The following CNTN4 variants were observed in gnomAD, a reference collection of about 807,000 sequenced individuals.
The protein encoded by CNTN4 is contactin-4.
Under a neutral mutation model 122.5 loss-of-function variants are expected in CNTN4, and 77 were observed. The ratio of observed to expected loss-of-function variants is 0.63; its 90% CI spans 0.52 to 0.76. The LOEUF (loss-of-function observed/expected upper bound fraction) is 0.76, where lower values mean the gene tolerates loss of function less well. Among genes scored for constraint, CNTN4 ranks in the 30% least tolerant of loss-of-function variants. The probability of loss-of-function intolerance (pLI) is 0.00; values close to 1 mark genes in which losing one functional copy is unlikely to be tolerated. For synonymous variants in CNTN4, 512 were observed against 447.0 expected (o/e 1.15, Z -1.83); for missense variants, 1,256 against 1,259.1 (o/e 1.00, Z 0.04).
rs75579026 is a variant in CNTN4 at position 2,290,009 on chromosome 3, G to T, written c.-144-49169G>T. 4.9e-3 allele frequency among the ~76,000 whole-genome samples: 740 copies of T among 152,002 alleles called. 3 individuals carry two copies. The highest frequency in any genetic ancestry group is 0.016 in the African/African-American group (661 of 41,436). ...TTTTAGATTAAAATTCCCATCTTAG[G>T]GTGTACCTTCTCTGAGCCAGTCATT... is the stretch of plus-strand genomic sequence containing the variant. On this transcript the variant is annotated intron_variant, in intron 2 of 24. Transcript: ENST00000418658.
chr3:2,534,727 C>G (rs1413893527), intron 3 of CNTN4, among the ~76,000 whole-genome samples: 1 of 149,758 alleles, frequency 6.7e-6, no homozygotes, highest in Non-Finnish European at 1.5e-5. Context: ...CACTGTCTTC[C>G]TTTTTGCTCC....
chr3:2,342,854 T>C (rs1278268400), intron 3 of CNTN4, among the ~76,000 whole-genome samples: 1 of 152,186 alleles, frequency 6.6e-6, no homozygotes, highest in Non-Finnish European at 1.5e-5. Flanking sequence ...AATATACATG[T>C]ATAAGAAATA....
chr3:2,705,200 C>T (rs912988130), intron 4 of CNTN4, among the ~76,000 whole-genome samples: 6 of 150,542 alleles, frequency 4.0e-5, no homozygotes, highest in African/African-American at 1.5e-4. Flanking sequence ...AACCCCGTCT[C>T]TACTAAAACT....
At chr3:2,192,598 C>T (rs1392489655) in intron 2 of CNTN4, among the ~76,000 whole-genome samples, 1 of 145,116 alleles carries the variant, frequency 6.9e-6, no homozygotes, top group Non-Finnish European at 1.5e-5. Flanking sequence ...AAGAAAAAAA[C>T]AAACAACCCC....
intron 3 of CNTN4, among the ~76,000 whole-genome samples, chr3:2,423,407 A>G (rs17194378): frequency 0.29 from 43,993 of 151,656 alleles, 6,936 homozygotes; most frequent in Admixed American, 0.38. Flanking sequence ...AACATTGATC[A>G]TGCTCATCCA....
chr3:2,861,682 G>A (rs1008317241), intron 7 of CNTN4, among the ~76,000 whole-genome samples: 14 of 152,160 alleles, frequency 9.2e-5, no homozygotes, highest in Admixed American at 3.3e-4. Context: ...AAAACACAAC[G>A]CAGCTTAAAT....
chr3:3,050,520 T>A (rs1011555010), intron 23 of CNTN4, among the ~76,000 whole-genome samples: 1 of 151,870 alleles, frequency 6.6e-6, no homozygotes, highest in African/African-American at 2.4e-5. Context: ...TCCCAGCACT[T>A]TGGGAGGCCG....
intron 4 of CNTN4, among the ~76,000 whole-genome samples, chr3:2,592,350 G>A (rs1356007711): frequency 1.3e-5 from 2 of 152,188 alleles, no homozygotes; most frequent in Non-Finnish European, 2.9e-5. Flanking sequence ...GTTAGGAAAA[G>A]ACAAATATAA....
chr3:2,439,163 A>G (rs2048349803), intron 3 of CNTN4, among the ~76,000 whole-genome samples: 1 of 152,224 alleles, frequency 6.6e-6, no homozygotes, highest in Admixed American at 6.5e-5. Flanking sequence ...GATAACTTTT[A>G]TATTAGAGCA....
At chr3:2,189,020 G>T (rs1335874223) in intron 2 of CNTN4, among the ~76,000 whole-genome samples, 2 of 152,114 alleles carry the variant, frequency 1.3e-5, no homozygotes, top group African/African-American at 2.4e-5. Context: ...TGAGGATTTT[G>T]CCCTGTTCAT....
chr3:2,384,842 T>G (rs2046183041), intron 3 of CNTN4, among the ~76,000 whole-genome samples: 1 of 152,166 alleles, frequency 6.6e-6, no homozygotes, highest in Non-Finnish European at 1.5e-5. Context: ...GACTAATTTT[T>G]ACCTATCTTT....
At chr3:2,262,021 G>A (rs1200888965) in intron 2 of CNTN4, among the ~76,000 whole-genome samples, 1 of 152,040 alleles carries the variant, frequency 6.6e-6, no homozygotes, top group South Asian at 2.1e-4. Context: ...CTGGTAAAAT[G>A]GATTTTTTTT....
intron 2 of CNTN4, among the ~76,000 whole-genome samples, chr3:2,111,850 A>G (rs1464619032): frequency 1.3e-5 from 2 of 152,212 alleles, no homozygotes; most frequent in East Asian, 1.9e-4. Context: ...TACCCTTTCA[A>G]TGCATTTATT....
chr3:2,895,867 T>C (rs1401208039), intron 10 of CNTN4, among the ~76,000 whole-genome samples: 2 of 152,122 alleles, frequency 1.3e-5, no homozygotes, highest in Non-Finnish European at 2.9e-5. Flanking sequence ...ACCCCGTCTC[T>C]ACTAAAAATA....
At chr3:3,002,167 G>C (rs1053284246) in intron 14 of CNTN4, among the ~76,000 whole-genome samples, 9 of 152,226 alleles carry the variant, frequency 5.9e-5, no homozygotes, top group African/African-American at 1.9e-4. Flanking sequence ...CCATAAAGCC[G>C]TTTTCTAATT....
intron 3 of CNTN4, among the ~76,000 whole-genome samples, chr3:2,532,803 A>G (rs1398455028): frequency 6.6e-6 from 1 of 152,172 alleles, no homozygotes; most frequent in Non-Finnish European, 1.5e-5. Flanking sequence ...TTGATAGAAA[A>G]AAGTCATATC....
intron 2 of CNTN4, among the ~76,000 whole-genome samples, chr3:2,248,150 A>C (rs572785361): frequency 6.6e-6 from 1 of 152,050 alleles, no homozygotes; most frequent in East Asian, 1.9e-4. Context: ...CATAATAGGT[A>C]CTCAGTTAGT....
intron 4 of CNTN4, among the ~76,000 whole-genome samples, chr3:2,696,039 G>T (rs1255273384): frequency 6.6e-6 from 1 of 152,168 alleles, no homozygotes; most frequent in Admixed American, 6.5e-5. Context: ...ATGTGTATAT[G>T]TGTGTCTATC....
intron 4 of CNTN4, among the ~76,000 whole-genome samples, chr3:2,677,014 G>A (rs867011361): frequency 7.9e-5 from 12 of 152,082 alleles, no homozygotes; most frequent in Middle Eastern, 3.4e-3. Flanking sequence ...GTATCTGTCC[G>A]AGGAATACTC....
Sources: gnomAD v4.1 joint callset for allele counts (sites outside exome capture counted in the v4.1 genomes callset) on GRCh38, gnomAD v4.1.1 for gene constraint, MANE v1.5 for transcripts, NCBI Gene and HGNC (gene_info 2026-07-23, HGNC 2026-07-21) for gene names.